The following MTUS2 variants were observed in gnomAD, a reference collection of about 807,000 sequenced individuals.
The protein encoded by MTUS2 is microtubule-associated tumor suppressor candidate 2.
In MTUS2, 40 loss-of-function variants were observed where a neutral mutation model predicts 114.1. The ratio of observed to expected loss-of-function variants is 0.35; its 90% confidence interval spans 0.27 to 0.46. The LOEUF (loss-of-function observed/expected upper bound fraction) is 0.46. Ranked by LOEUF, MTUS2 falls within the 20% of genes least tolerant of loss-of-function variation. The pLI, the probability that MTUS2 is intolerant of heterozygous loss-of-function variation, is 1.00. For missense variants in MTUS2, 1,679 were observed against 1,705.4 expected, an observed-to-expected ratio of 0.98 and a Z score of 0.27; for synonymous variants, 688 against 672.0, an observed-to-expected ratio of 1.02 and a Z score of -0.37.
At chr13:28,862,895 G>C (rs760277328) in intron 2 of MTUS2, among the ~76,000 whole-genome samples, 9 of 152,144 alleles carry the variant, frequency 5.9e-5, no homozygotes, top group Non-Finnish European at 1.3e-4. Flanking sequence ...TTTCCCAGTA[G>C]AGTCATGGTT....
chr13:29,217,145 T>C (rs1895713177), intron 5 of MTUS2, among the ~76,000 whole-genome samples: 2 of 152,256 alleles, frequency 1.3e-5, no homozygotes, highest in Non-Finnish European at 2.9e-5. Context: ...TTGCTACTTA[T>C]CAGTTTTGTG....
intron 8 of MTUS2, among the ~76,000 whole-genome samples, chr13:29,393,204 C>T (rs1367146915): frequency 1.3e-5 from 2 of 152,180 alleles, no homozygotes; most frequent in Non-Finnish European, 2.9e-5. Flanking sequence ...GTTGTAGTTT[C>T]TACTGATTCT....
chr13:29,471,536 C>T (rs1880296158), intron 9 of MTUS2, among the ~76,000 whole-genome samples: 1 of 152,064 alleles, frequency 6.6e-6, no homozygotes, highest in Admixed American at 6.6e-5. Flanking sequence ...ATGAGGATAG[C>T]AACTGTCCTT....
At chr13:28,966,614 A>G (rs532994098) in intron 2 of MTUS2, among the ~76,000 whole-genome samples, 1 of 150,794 alleles carries the variant, frequency 6.6e-6, no homozygotes, top group South Asian at 2.1e-4. Context: ...AGTCCCAGCT[A>G]CTTAGGAGGC....
intron 2 of MTUS2, among the ~76,000 whole-genome samples, chr13:28,995,737 C>T (rs1404609839): frequency 6.6e-6 from 1 of 152,152 alleles, no homozygotes; most frequent in Non-Finnish European, 1.5e-5. Context: ...AATTTTTGCA[C>T]ATCGATTTTG....
intron 5 of MTUS2, among the ~76,000 whole-genome samples, chr13:29,246,192 G>A (rs1472474752): frequency 6.6e-6 from 1 of 152,194 alleles, no homozygotes; most frequent in African/African-American, 2.4e-5. Flanking sequence ...GAATGACTGG[G>A]GTTTTGGAAG....
chr13:29,099,320 T>A (rs1407454042), intron 4 of MTUS2, among the ~76,000 whole-genome samples: 1 of 152,196 alleles, frequency 6.6e-6, no homozygotes, highest in Non-Finnish European at 1.5e-5. Flanking sequence ...TGCTTCTTTT[T>A]CCTTTTGCAC....
chr13:29,470,211 T>C (rs1185502962), intron 9 of MTUS2, among the ~76,000 whole-genome samples: 2 of 152,204 alleles, frequency 1.3e-5, no homozygotes, highest in African/African-American at 4.8e-5. Flanking sequence ...TTTTAATAAC[T>C]CAGTACTGTA....
intron 4 of MTUS2, among the ~76,000 whole-genome samples, chr13:29,085,526 GA>G (rs1272712512): frequency 1.3e-5 from 2 of 152,150 alleles, no homozygotes; most frequent in Non-Finnish European, 2.9e-5. Context: ...TTACAGATGA[GA>G]ACATGTGGAA....
At chr13:29,053,428 G>A (rs1887993092) in intron 4 of MTUS2, among the ~76,000 whole-genome samples, 1 of 152,124 alleles carries the variant, frequency 6.6e-6, no homozygotes, top group African/African-American at 2.4e-5. Flanking sequence ...CAACTGGAAG[G>A]CCCAGTTCAC....
chr13:29,279,590 A>G (rs1898190855), intron 5 of MTUS2, among the ~76,000 whole-genome samples: 1 of 152,228 alleles, frequency 6.6e-6, no homozygotes, highest in East Asian at 1.9e-4. Context: ...TTACCAGCCA[A>G]CTTAAGCCAG....
At position 29,504,219 on chromosome 13, in the gene MTUS2, A is replaced by G. The variant is rs1329265620; in HGVS notation, c.*1013A>G. On this transcript the variant is annotated 3_prime_UTR_variant, in exon 16 of 16. Transcript: ENST00000612955. The stretch of plus-strand genomic sequence containing the variant: ...TATTTTGACCAGGCACAGAGGGGGA[A>G]CATCACTCCAGCTTTCCATGTGGTT... 1 of 232,148 alleles carries G rather than the reference A, an allele frequency of 4.3e-6. No individual in the cohort carries two copies. The highest frequency in any genetic ancestry group is 8.5e-6 in the Non-Finnish European group (1 of 117,246). 14.4% of individuals were successfully genotyped at this position (232,148 alleles called of 1,614,324 possible). A position where few individuals can be genotyped will look rare whatever the true frequency, so the allele number is the denominator to read the frequency against.
chr13:29,153,239 G>A (rs1892729286), intron 5 of MTUS2, among the ~76,000 whole-genome samples: 2 of 152,152 alleles, frequency 1.3e-5, no homozygotes, highest in Admixed American at 6.5e-5. Flanking sequence ...GACAGTGCAG[G>A]TCCTGTTAAC....
At chr13:28,983,930 C>CAACAGGCGCTCTCT (rs1241770698) in intron 2 of MTUS2, among the ~76,000 whole-genome samples, 4 of 152,246 alleles carry the variant, frequency 2.6e-5, no homozygotes, top group African/African-American at 7.2e-5. Flanking sequence ...GCACTCGCAG[C>CAACAGGCGCTCTCT]TGTTTGGGCG....
chr13:29,142,677 G>A (rs1378778136), intron 5 of MTUS2, among the ~76,000 whole-genome samples: 1 of 152,310 alleles, frequency 6.6e-6, no homozygotes, highest in Middle Eastern at 3.4e-3. Context: ...CTGTACTCCA[G>A]CCTGGGCAAC....
At chr13:28,834,136 AAC>A (rs1485858031) in intron 1 of MTUS2, among the ~76,000 whole-genome samples, 7 of 152,158 alleles carry the variant, frequency 4.6e-5, no homozygotes, top group Non-Finnish European at 1.0e-4. Context: ...CGCTATCAAA[AAC>A]ACAGAGGTCT....
chr13:29,203,620 ATT>A (rs931431552), intron 5 of MTUS2, among the ~76,000 whole-genome samples: 25 of 151,882 alleles, frequency 1.6e-4, no homozygotes, highest in African/African-American at 5.3e-4. Flanking sequence ...TGGCTGCACA[ATT>A]TTGTGCTTCA....
At chr13:29,009,470 T>G (rs1885744793) in intron 2 of MTUS2, among the ~76,000 whole-genome samples, 1 of 152,084 alleles carries the variant, frequency 6.6e-6, no homozygotes, top group East Asian at 1.9e-4. Context: ...AAGCCAGACT[T>G]GAAAGGCTGC....
At chr13:29,341,981 G>A (rs1452821470) in intron 7 of MTUS2, among the ~76,000 whole-genome samples, 2 of 151,870 alleles carry the variant, frequency 1.3e-5, no homozygotes, top group East Asian at 1.9e-4. Flanking sequence ...TTTATTTCTC[G>A]GTTCTATATT....
Sources: gnomAD v4.1 joint callset for allele counts (sites outside exome capture counted in the v4.1 genomes callset) on GRCh38, gnomAD v4.1.1 for gene constraint, MANE v1.5 for transcripts, NCBI Gene and HGNC (gene_info 2026-07-23, HGNC 2026-07-21) for gene names.